Variants in VPS13B observed in about 807,000 individuals in gnomAD.
The protein encoded by VPS13B is vacuolar protein sorting 13 homolog B.
A neutral mutation model predicts 426.4 loss-of-function variants in VPS13B; 285 were observed. That is an observed-to-expected ratio of 0.67 (90% confidence interval 0.61 to 0.74). The LOEUF is 0.74. Among genes scored for constraint, VPS13B ranks in the 30% least tolerant of loss-of-function variants. VPS13B has a pLI of 0.00. For synonymous variants in VPS13B, 1,676 were observed against 1,676.4 expected (o/e 1.00, Z 0.01); for missense variants, 4,537 against 4,782.6 (o/e 0.95, Z 1.51).
chr8:99,311,875 T>G (rs550216587), intron 19 of VPS13B, among the ~76,000 whole-genome samples: 88 of 152,206 alleles, frequency 5.8e-4, no homozygotes, highest in Non-Finnish European at 6.3e-4. Flanking sequence ...GCATATATGA[T>G]TAGGGTAGTT....
At position 99,134,334 on chromosome 8, in the gene VPS13B, C is replaced by T. The variant is rs1373191672; in HGVS notation, c.1207-298C>T. Among the ~76,000 whole-genome samples, 3 of 152,152 alleles carry T rather than the reference C, an allele frequency of 2.0e-5. No homozygotes were observed. The East Asian group carries it at 5.8e-4, about 29-fold the overall frequency. Reference sequence around the variant, plus strand: ...CTATATGTAAATTTTTGGCAGAATACATAAATGATTTTGTGAGTATGGGAC... The same window carrying T: ...CTATATGTAAATTTTTGGCAGAATATATAAATGATTTTGTGAGTATGGGAC... On this transcript the variant is annotated intron_variant, in intron 8 of 61. Coordinates refer to ENST00000357162, the MANE Select transcript of VPS13B (RefSeq NM_152564.5).
At chr8:99,099,456 A>G (rs977802159) in intron 4 of VPS13B, among the ~76,000 whole-genome samples, 8 of 152,208 alleles carry the variant, frequency 5.3e-5, no homozygotes, top group African/African-American at 1.9e-4. Context: ...AGATGAATCA[A>G]TTGCAGATGG....
intron 58 of VPS13B, among the ~76,000 whole-genome samples, chr8:99,866,104 C>A (rs1817083504): frequency 6.6e-6 from 1 of 152,244 alleles, no homozygotes; most frequent in African/African-American, 2.4e-5. Context: ...CAGATCACAG[C>A]CATCTCCATG....
chr8:99,219,151 G>A (rs778208318), intron 17 of VPS13B, among the ~76,000 whole-genome samples: 7 of 152,258 alleles, frequency 4.6e-5, no homozygotes, highest in South Asian at 2.1e-4. Flanking sequence ...AAGTGGCAGC[G>A]TAAACAGGTA....
At chr8:99,208,560 C>T (rs1362466992) in intron 17 of VPS13B, among the ~76,000 whole-genome samples, 1 of 150,892 alleles carries the variant, frequency 6.6e-6, no homozygotes, top group African/African-American at 2.4e-5. Context: ...AGATTAAATA[C>T]TATGTTGATT....
intron 19 of VPS13B, among the ~76,000 whole-genome samples, chr8:99,289,994 C>T (rs952152047): frequency 6.6e-6 from 1 of 151,984 alleles, no homozygotes; most frequent in African/African-American, 2.4e-5. Flanking sequence ...GGAGGTAAGA[C>T]TGACTCTTGT....
intron 12 of VPS13B, among the ~76,000 whole-genome samples, chr8:99,139,890 T>G (rs1160234533): frequency 6.6e-6 from 1 of 152,158 alleles, no homozygotes; most frequent in Admixed American, 6.5e-5. Context: ...CTTGTTTTTT[T>G]GTGACAACTT....
intron 2 of VPS13B, among the ~76,000 whole-genome samples, chr8:99,014,398 G>A (rs1841498825): frequency 6.6e-6 from 1 of 151,864 alleles, no homozygotes; most frequent in Admixed American, 6.6e-5. Flanking sequence ...GATTATAGGC[G>A]TGAGCCACCG....
At chr8:99,089,652 C>A (rs1846038067) in intron 3 of VPS13B, among the ~76,000 whole-genome samples, 1 of 152,060 alleles carries the variant, frequency 6.6e-6, no homozygotes, top group African/African-American at 2.4e-5. Flanking sequence ...TTGTGGAGAA[C>A]AAAGTTCTTA....
chr8:99,669,359 A>G (rs1422516473), intron 35 of VPS13B, among the ~76,000 whole-genome samples: 1 of 152,106 alleles, frequency 6.6e-6, no homozygotes, highest in South Asian at 2.1e-4. Flanking sequence ...TTGCAAAAAC[A>G]TTTGAGCTCT....
At chr8:99,766,066 C>CTTTTTTTTTTT (rs71274933) in intron 39 of VPS13B, among the ~76,000 whole-genome samples, 1 of 52,340 alleles carries the variant, frequency 1.9e-5, no homozygotes, top group African/African-American at 8.8e-5. Context: ...ACCTTCATTA[C>CTTTTTTTTTTT]TTTTTTTTTT....
intron 3 of VPS13B, among the ~76,000 whole-genome samples, chr8:99,041,591 C>T (rs529494245): frequency 1.3e-5 from 2 of 152,228 alleles, no homozygotes; most frequent in East Asian, 1.9e-4. Context: ...TGGTGGCTCA[C>T]GCCTGTAATC....
At chr8:99,500,317 T>C (rs1821159135) in intron 25 of VPS13B, among the ~76,000 whole-genome samples, 1 of 152,146 alleles carries the variant, frequency 6.6e-6, no homozygotes, top group South Asian at 2.1e-4. Context: ...ACAAAACGTG[T>C]CTGAAGTTAG....
chr8:99,025,080 T>C (rs768350345), intron 2 of VPS13B, among the ~76,000 whole-genome samples: 16 of 152,202 alleles, frequency 1.1e-4, no homozygotes, highest in Non-Finnish European at 2.4e-4. Flanking sequence ...TTGATTTCTT[T>C]TTCAGCTAGT....
intron 35 of VPS13B, among the ~76,000 whole-genome samples, chr8:99,674,386 A>G (rs1195663806): frequency 2.0e-5 from 3 of 152,066 alleles, no homozygotes; most frequent in African/African-American, 7.2e-5. Context: ...TGATATAAGT[A>G]TAGCTACTTT....
intron 35 of VPS13B, among the ~76,000 whole-genome samples, chr8:99,670,609 CT>C (rs1830675286): frequency 6.6e-6 from 1 of 152,024 alleles, no homozygotes; most frequent in Admixed American, 6.6e-5. Flanking sequence ...AAAACTGAAA[CT>C]TTGTACCCAT....
chr8:99,135,681 C>T lies in VPS13B; in HGVS notation c.1511C>T (p.Pro504Leu), dbSNP rs1473569889. Reference sequence around the variant, plus strand: ...AATTCATTGTTTGATTACCGAAGCCCAGAAAATAATGGTACTCGCGCAGAA... The same window carrying T: ...AATTCATTGTTTGATTACCGAAGCCTAGAAAATAATGGTACTCGCGCAGAA... ...LTNSLFDYRS[P>L]ENNGTRAEFI... is the part of the protein sequence containing the mutation. The change falls in exon 11 of 62, where the codon CCA (proline) becomes CTA (leucine). Residue 504 changes from proline to leucine, a missense_variant. Pro to Leu is a moderately conservative substitution (Grantham distance 98, BLOSUM62 -3). Coordinates refer to ENST00000357162, the MANE Select transcript of VPS13B (RefSeq NM_152564.5). 4 of 1,613,270 alleles carry T rather than the reference C, an allele frequency of 2.5e-6. No homozygotes were observed. Among genetic ancestry groups the T allele is most frequent in the Non-Finnish European group, 3.4e-6 (4 of 1,179,536 alleles).
At chr8:99,422,304 A>G (rs928841672) in intron 21 of VPS13B, among the ~76,000 whole-genome samples, 7 of 152,174 alleles carry the variant, frequency 4.6e-5, no homozygotes, top group Non-Finnish European at 8.8e-5. Context: ...TCATTAGATC[A>G]TTATATCAGA....
chr8:99,546,885 C>T (rs1190340139), intron 30 of VPS13B, among the ~76,000 whole-genome samples: 2 of 151,876 alleles, frequency 1.3e-5, no homozygotes, highest in African/African-American at 2.4e-5. Context: ...TACTTGTTTA[C>T]GTACAGTTTA....
Sources: gnomAD v4.1 joint callset for allele counts (sites outside exome capture counted in the v4.1 genomes callset) on GRCh38, gnomAD v4.1.1 for gene constraint, MANE v1.5 for transcripts, NCBI Gene and HGNC (gene_info 2026-07-23, HGNC 2026-07-21) for gene names.